Variants in PCMTD1 observed in about 807,000 individuals in gnomAD.
The protein encoded by PCMTD1 is protein-L-isoaspartate (D-aspartate) O-methyltransferase domain containing 1, also known as protein-L-isoaspartate O-methyltransferase domain-containing protein 1.
A neutral mutation model predicts 37.6 loss-of-function variants in PCMTD1; 12 were observed. The observed-to-expected ratio is 0.32, with a 90% CI of 0.20 to 0.52. PCMTD1 has a LOEUF of 0.52. Among genes scored for constraint, PCMTD1 ranks in the 20% least tolerant of loss-of-function variants. The probability of loss-of-function intolerance (pLI) is 0.97; values close to 1 mark genes in which losing one functional copy is unlikely to be tolerated. For synonymous variants in PCMTD1, 117 were observed against 135.8 expected (o/e 0.86, Z 0.96); for missense variants, 235 against 421.3 (o/e 0.56, Z 3.87).
chr8:51,886,951 T>C (rs1407250313), intron 1 of PCMTD1, among the ~76,000 whole-genome samples: 2 of 117,806 alleles, frequency 1.7e-5, no homozygotes, highest in African/African-American at 2.5e-5. Flanking sequence ...CAGTGTCTAG[T>C]GTCCATCTGC....
intron 1 of PCMTD1, among the ~76,000 whole-genome samples, chr8:51,864,381 C>T (rs976465216): frequency 6.6e-6 from 1 of 152,140 alleles, no homozygotes; most frequent in Non-Finnish European, 1.5e-5. Flanking sequence ...TTGAACAACG[C>T]TTTAGACCAA....
At chr8:51,882,871 T>TA (rs1005328739) in intron 1 of PCMTD1, among the ~76,000 whole-genome samples, 3 of 147,458 alleles carry the variant, frequency 2.0e-5, no homozygotes, top group African/African-American at 7.5e-5. Flanking sequence ...CTCACACCTA[T>TA]AATCCCAGCA....
intron 5 of PCMTD1, among the ~76,000 whole-genome samples, chr8:51,828,779 G>A (rs2037958463): frequency 6.6e-6 from 1 of 152,184 alleles, no homozygotes; most frequent in East Asian, 1.9e-4. Context: ...ACACAGCCAA[G>A]TGATAATCAC....
chr8:51,831,363 A>C (rs2037995846), intron 5 of PCMTD1, 81 bp downstream of exon 5: 5 of 1,367,350 alleles, frequency 3.7e-6, no homozygotes, highest in Non-Finnish European at 5.0e-6. Flanking sequence ...ATTCTTCATA[A>C]TTACATAGTC....
At chr8:51,879,448 A>G (rs975408632) in intron 1 of PCMTD1, among the ~76,000 whole-genome samples, 3 of 152,226 alleles carry the variant, frequency 2.0e-5, no homozygotes, top group Non-Finnish European at 4.4e-5. Flanking sequence ...CGTGTTCATG[A>G]TTGTCCCATC....
chr8:51,894,279 T>C (rs1233523049), intron 1 of PCMTD1, among the ~76,000 whole-genome samples: 1 of 152,226 alleles, frequency 6.6e-6, no homozygotes, highest in Admixed American at 6.5e-5. Flanking sequence ...AGAAAGAATG[T>C]AACTTAATAT....
intron 1 of PCMTD1, among the ~76,000 whole-genome samples, chr8:51,878,842 A>G (rs1412240678): frequency 6.6e-6 from 1 of 152,136 alleles, no homozygotes; most frequent in Non-Finnish European, 1.5e-5. Flanking sequence ...TTTGACTTTT[A>G]AAACTATGAG....
intron 3 of PCMTD1, among the ~76,000 whole-genome samples, chr8:51,842,840 GGAA>G (rs1186589756): frequency 1.3e-5 from 2 of 152,128 alleles, no homozygotes; most frequent in Non-Finnish European, 2.9e-5. Context: ...AAAAAAAACT[GGAA>G]GAATATTAGG....
At chr8:51,821,204 A>G (rs2037843578) in intron 5 of PCMTD1, among the ~76,000 whole-genome samples, 1 of 152,220 alleles carries the variant, frequency 6.6e-6, no homozygotes, top group South Asian at 2.1e-4. Context: ...TGATGGCACA[A>G]TCATGGCCTA....
chr8:51,834,838 G>A (rs949486159), intron 3 of PCMTD1, among the ~76,000 whole-genome samples: 1 of 152,074 alleles, frequency 6.6e-6, no homozygotes, highest in Non-Finnish European at 1.5e-5. Context: ...TTCATTTCTT[G>A]TCTTTTTGTT....
chr8:51,870,395 TAA>T (rs1047856917), intron 1 of PCMTD1: 6 of 152,252 alleles, frequency 3.9e-5, no homozygotes, highest in African/African-American at 9.6e-5. Context: ...ATGGGGCTGA[TAA>T]AGAGATATGA....
chr8:51,869,068 C>T (rs1332947193), intron 1 of PCMTD1, among the ~76,000 whole-genome samples: 2 of 103,840 alleles, frequency 1.9e-5, no homozygotes, highest in Non-Finnish European at 5.4e-5. Flanking sequence ...GTAACCAATT[C>T]CCCCAATGTT....
chr8:51,830,659 C>A (rs987490803), intron 5 of PCMTD1, among the ~76,000 whole-genome samples: 60 of 152,310 alleles, frequency 3.9e-4, no homozygotes, highest in African/African-American at 1.3e-3. Context: ...TGAGCTTCCA[C>A]CACTCTGGAC....
chr8:51,868,978 T>A (rs1026841371), intron 1 of PCMTD1, among the ~76,000 whole-genome samples: 2 of 152,192 alleles, frequency 1.3e-5, no homozygotes, highest in Non-Finnish European at 2.9e-5. Flanking sequence ...GACTTTCACT[T>A]AATAAGCATT....
intron 1 of PCMTD1, among the ~76,000 whole-genome samples, chr8:51,876,066 TA>T (rs770309059): frequency 6.6e-6 from 1 of 152,222 alleles, no homozygotes; most frequent in Non-Finnish European, 1.5e-5. Flanking sequence ...CCCTGATGCC[TA>T]CCACATGCTC....
At chr8:51,826,137 G>A (rs1415029876) in intron 5 of PCMTD1, among the ~76,000 whole-genome samples, 2 of 152,120 alleles carry the variant, frequency 1.3e-5, no homozygotes, top group East Asian at 3.8e-4. Flanking sequence ...ATGATATGCT[G>A]GATAAAGAAA....
intron 2 of PCMTD1, among the ~76,000 whole-genome samples, chr8:51,847,949 T>TTATACCCTTCCC (rs1307958586): frequency 6.6e-6 from 1 of 151,796 alleles, no homozygotes; most frequent in African/African-American, 2.4e-5. Context: ...GGCTTAGTGG[T>TTATACCCTTCCC]GCATGCCTGT....
intron 5 of PCMTD1, among the ~76,000 whole-genome samples, chr8:51,827,788 T>C (rs1052096100): frequency 5.3e-5 from 8 of 152,096 alleles, no homozygotes; most frequent in African/African-American, 1.9e-4. Flanking sequence ...AGTCTGTAAA[T>C]ATTTCAGAGG....
chr8:51,878,265 T>A (rs2038742825), intron 1 of PCMTD1, among the ~76,000 whole-genome samples: 2 of 150,894 alleles, frequency 1.3e-5, no homozygotes, highest in South Asian at 2.1e-4. Flanking sequence ...TTTTTTTTTT[T>A]AGCTCATCAG....
Sources: allele counts gnomAD v4.1 joint callset (sites outside exome capture counted in the v4.1 genomes callset), GRCh38; gene constraint gnomAD v4.1.1; transcripts MANE v1.5; gene names NCBI Gene and HGNC (gene_info 2026-07-23, HGNC 2026-07-21).